Variants in DYNLT3 observed in about 807,000 individuals in gnomAD.
The protein encoded by DYNLT3 is protein 91/23.
A neutral mutation model predicts 11.0 loss-of-function variants in DYNLT3; 4 were observed. That is an observed-to-expected ratio of 0.36 (90% CI 0.18 to 0.83). The LOEUF is 0.83. Ranked by LOEUF, DYNLT3 falls within the 40% of genes least tolerant of loss-of-function variation. DYNLT3 has a pLI of 0.47. For missense variants in DYNLT3, 91 were observed against 91.1 expected, an observed-to-expected ratio of 1.00 and a Z score of 0.01; for synonymous variants, 37 against 31.2, an observed-to-expected ratio of 1.18 and a Z score of -0.61.
intron 2 of DYNLT3, among the ~76,000 whole-genome samples, chrX:37,844,876 C>T (rs912565689): frequency 9.8e-5 from 11 of 112,564 alleles, no homozygotes; most frequent in Non-Finnish European, 1.9e-4. Context: ...CAGGGCTGAA[C>T]TGAATGGGAG....
rs1209855645 is a variant in DYNLT3 at position 37,839,537 on chromosome X, GATA to G, written c.*1035_*1037del. The G allele has an allele frequency of 4.5e-5, 5 of 112,249 alleles. No homozygotes were observed. Among genetic ancestry groups the G allele is most frequent in the Non-Finnish European group, 9.4e-5 (5 of 53,113 alleles). The allele number at this position is 112,249 out of a possible 1,213,427, so 9.3% of individuals were successfully genotyped here. A position where few individuals can be genotyped will look rare whatever the true frequency, so the allele number is the denominator to read the frequency against. On this transcript the variant is annotated 3_prime_UTR_variant, in exon 5 of 5. Transcript: ENST00000378578. The stretch of plus-strand genomic sequence containing the variant: ...ATTTACTACTTGTATAGGTAAGACT[GATA>G]ATAAGGCCTTTAACTAAGAGTTGCA...
Position 37,841,887 on chromosome X carries a change from C to G in DYNLT3, c.91G>C (p.Gly31Arg), listed in dbSNP as rs1293975763. The G allele has an allele frequency of 2.6e-6, 3 of 1,139,826 alleles. No individual in the cohort carries two copies. Among genetic ancestry groups the G allele is most frequent in the East Asian group, 3.1e-5 (1 of 32,699 alleles). The allele number at this position is 1,139,826 out of a possible 1,213,427, so 93.9% of individuals were successfully genotyped here. ...IVKECVDGVL[G>R]GEDYNHNNIN... Reference sequence around the variant, plus strand: ...TTGTTGTGATTATAATCTTCACCACCTAAAACCCCATCTACACACTAAAAG... The same window carrying G: ...TTGTTGTGATTATAATCTTCACCACGTAAAACCCCATCTACACACTAAAAG... Residue 31 changes from glycine (G) to arginine (R), a missense_variant, in exon 3 of 5, where the codon GGT becomes CGT. Physicochemically the swap from Gly to Arg is moderately radical, Grantham distance 125 (BLOSUM62 -2). Transcript: ENST00000378578.
chrX:37,843,618 A>T (rs752143094), intron 2 of DYNLT3, among the ~76,000 whole-genome samples: 83 of 111,730 alleles, frequency 7.4e-4, no homozygotes, highest in African/African-American at 2.4e-3. Context: ...ACTTTAGACT[A>T]AATTCTAAGT....
At position 37,840,664 on chromosome X, in the gene DYNLT3, A is replaced by G. The variant is rs777780294; in HGVS notation, c.275-13T>C. ...ACGGTACAGGTTCCTGAAACACAAA[A>G]AAAGGATTTTGAAATACCAGCAAAA... On this transcript the variant is annotated splice_polypyrimidine_tract_variant and intron_variant, in intron 4 of 4. Transcript: ENST00000378578. 1.0e-4 allele frequency: 122 copies of G among 1,182,669 alleles called. No individual in the cohort carries two copies. The highest frequency in any genetic ancestry group is 1.4e-4 in the Non-Finnish European group (119 of 881,117).
intron 4 of DYNLT3, 112 bp from the exon 5 acceptor site, chrX:37,840,763 CACACACACACACACACACACACACACAT>C: frequency 5.4e-6 from 1 of 185,605 alleles, no homozygotes; most frequent in East Asian, 9.7e-5. Flanking sequence ...CACACACACA[CACACACACACACACACACACACACACAT>C]ATATATATAT....
intron 2 of DYNLT3, among the ~76,000 whole-genome samples, chrX:37,844,520 G>A (rs1930232100): frequency 9.0e-6 from 1 of 111,691 alleles, no homozygotes; most frequent in African/African-American, 3.3e-5. Flanking sequence ...CAGACCACCC[G>A]CCCCCTTCTC....
At position 37,839,416 on chromosome X, in the gene DYNLT3, A is replaced by G. The variant is rs1256912392; in HGVS notation, c.*1159T>C. On this transcript the variant is annotated 3_prime_UTR_variant, in exon 5 of 5. Transcript: ENST00000378578. ...CCTGAGATAACGTGCTAAGGATTGT[A>G]TACTTTTAATCTATACTTTATTCCA... 1 of 112,392 alleles carries G rather than the reference A, an allele frequency of 8.9e-6. No homozygotes were observed. Among genetic ancestry groups the G allele is most frequent in the African/African-American group, 3.2e-5 (1 of 30,890 alleles). 9.3% of individuals were successfully genotyped at this position (112,392 alleles called of 1,213,427 possible). A position where few individuals can be genotyped will look rare whatever the true frequency, so the allele number is the denominator to read the frequency against.
At chrX:37,844,827 C>G (rs941022876) in intron 2 of DYNLT3, among the ~76,000 whole-genome samples, 2 of 112,326 alleles carry the variant, frequency 1.8e-5, no homozygotes, top group African/African-American at 6.5e-5. Flanking sequence ...ACAAGTGTTT[C>G]TCTCTGCTGA....
rs1930110972 is a variant in DYNLT3, at chrX:37,840,039, A to G, written c.*536T>C. The G allele has an allele frequency of 9.7e-6, 1 of 103,173 alleles. No individual in the cohort carries two copies. Among genetic ancestry groups the G allele is most frequent in the Non-Finnish European group, 2.0e-5 (1 of 49,924 alleles). The allele number at this position is 103,173 out of a possible 1,213,427, so 8.5% of individuals were successfully genotyped here. Reference sequence around the variant, plus strand: ...CTCAGAAAAAGTAAACAAGTTAATCATAGTTGTTACTATACTATTAGTTGA... The same window carrying G: ...CTCAGAAAAAGTAAACAAGTTAATCGTAGTTGTTACTATACTATTAGTTGA... On this transcript the variant is annotated 3_prime_UTR_variant, in exon 5 of 5. Coordinates refer to ENST00000378578, the MANE Select transcript of DYNLT3 (RefSeq NM_006520.3).
In DYNLT3 at chrX:37,847,481, C is replaced by T. The variant is rs1308134769; in HGVS notation, c.30G>A (p.Glu10=). MEEYHRHCD[E]VGFNAEEAHN... ...CTCCCAGGTAGCCAAGGGGCGGTAC[C>T]TCGTCGCAGTGGCGATGGTACTCCT... is the stretch of plus-strand genomic sequence containing the variant. Residue 10 remains glutamate (E), a splice_region_variant and synonymous_variant, in exon 1 of 5, where the codon GAG becomes GAA. Coordinates refer to ENST00000378578, the MANE Select transcript of DYNLT3 (RefSeq NM_006520.3). The T allele has an allele frequency of 2.0e-6, 2 of 1,002,620 alleles. No homozygotes were observed. The highest frequency in any genetic ancestry group is 2.5e-6 in the Non-Finnish European group (2 of 789,919). 82.6% of individuals were successfully genotyped at this position (1,002,620 alleles called of 1,213,427 possible).
rs144675461 is a variant in DYNLT3, at chrX:37,840,640, C to A, written c.286G>T (p.Val96Leu). ...TTCATGGTCCGGTTCTCCCATCTTA[C>A]GGTACAGGTTCCTGAAACACAAAAA... Reference protein sequence around the residue: ...WDTTSDGTCTVRWENRTMNCI... With the variant: ...WDTTSDGTCTLRWENRTMNCI... The change falls in exon 5 of 5, where the codon GTA becomes TTA. Residue 96 changes from valine (V) to leucine (L), a missense_variant. Val to Leu is a conservative substitution (Grantham distance 32). Transcript: ENST00000378578. 1.0e-5 allele frequency: 12 copies of A among 1,195,089 alleles called. No homozygotes were observed. The highest frequency in any genetic ancestry group is 7.4e-5 in the South Asian group (4 of 54,200).
Position 37,840,493 on chromosome X carries a change from A to G in DYNLT3, c.*82T>C. The G allele has an allele frequency of 3.4e-6, 3 of 870,072 alleles. No individual in the cohort carries two copies. The South Asian group carries it at 8.4e-5, about 24-fold the overall frequency. 71.7% of individuals were successfully genotyped at this position (870,072 alleles called of 1,213,427 possible). Reference sequence around the variant, plus strand: ...TTGCACGCTTTTCATCTAGCACACTAGTAAACAACTATTACTCTTTTTGGA... The same window carrying G: ...TTGCACGCTTTTCATCTAGCACACTGGTAAACAACTATTACTCTTTTTGGA... On this transcript the variant is annotated 3_prime_UTR_variant, in exon 5 of 5. Transcript: ENST00000378578.
At chrX:37,844,065 T>C (rs1930222433) in intron 2 of DYNLT3, among the ~76,000 whole-genome samples, 1 of 111,868 alleles carries the variant, frequency 8.9e-6, no homozygotes. Context: ...GACTACATAA[T>C]GCATCAGAGT....
rs773514664 is a variant in DYNLT3 at position 37,841,092 on chromosome X, C to T, written c.210G>A (p.Val70=). 2 of 1,208,521 alleles carry T rather than the reference C, an allele frequency of 1.7e-6. No individual in the cohort carries two copies. The highest frequency in any genetic ancestry group is 2.2e-6 in the Non-Finnish European group (2 of 893,858). Residue 70 remains valine, a synonymous_variant, in exon 4 of 5, where the codon GTG becomes GTA. Coordinates refer to ENST00000378578, the MANE Select transcript of DYNLT3 (RefSeq NM_006520.3). ...GAAAGCCATATGCGCTCTTCTGGAC[C>T]ACTGCACAGGTCACTGCAAATAAAG... ...KAYKYIVTCA[V]VQKSAYGFHT... is the part of the protein sequence containing the mutation.
At chrX:37,845,564 G>A (rs1930252472) in intron 2 of DYNLT3, among the ~76,000 whole-genome samples, 1 of 112,177 alleles carries the variant, frequency 8.9e-6, no homozygotes, top group Non-Finnish European at 1.9e-5. Flanking sequence ...CATGCCCAAA[G>A]GCAGATATTT....
chrX:37,841,489 TA>T (rs1239742894), intron 3 of DYNLT3, among the ~76,000 whole-genome samples: 1 of 110,767 alleles, frequency 9.0e-6, no homozygotes, highest in Non-Finnish European at 1.9e-5. Context: ...GGCATGGGAC[TA>T]CCGAAAGAAA....
chrX:37,847,140 G>C, intron 1 of DYNLT3: 7 of 1,144,743 alleles, frequency 6.1e-6, no homozygotes, highest in Non-Finnish European at 8.1e-6. Flanking sequence ...AGGCAGCAGC[G>C]GGAAGACCCG....
In DYNLT3 at chrX:37,841,794, A is replaced by T. The variant is rs1478485588; in HGVS notation, c.184T>A (p.Tyr62Asn). Residue 62 changes from tyrosine (Y) to asparagine (N), a missense_variant, in exon 3 of 5, where the codon TAT becomes AAT. By Grantham distance (143) the Tyr-to-Asn change is moderately radical. Transcript: ENST00000378578. ...LTHLVKLGKA[Y>N]KYIVTCAVVQ... ...TACTGATACTTACCAATATATTTATAGGCTTTTCCCAACTTAACCAGGTGT... is the reference window on the plus strand; with the variant it reads ...TACTGATACTTACCAATATATTTATTGGCTTTTCCCAACTTAACCAGGTGT... The T allele has an allele frequency of 8.5e-7, 1 of 1,171,464 alleles. No homozygotes were observed. Among genetic ancestry groups the T allele is most frequent in the Non-Finnish European group, 1.2e-6 (1 of 868,428 alleles).
At chrX:37,841,755 C>T (rs375297123) in intron 3 of DYNLT3, 27 bp downstream of exon 3, 500 of 1,132,281 alleles carry the variant, frequency 4.4e-4, no homozygotes, top group Middle Eastern at 5.1e-4. Context: ...AGCAAGTGAA[C>T]TAGTGAGGAA....
Sources: gnomAD v4.1 joint callset for allele counts (sites outside exome capture counted in the v4.1 genomes callset) on GRCh38, gnomAD v4.1.1 for gene constraint, MANE v1.5 for transcripts, NCBI Gene and HGNC (gene_info 2026-07-23, HGNC 2026-07-21) for gene names.